The following HPSE2 variants were observed in gnomAD, a reference collection of about 807,000 sequenced individuals.
HPSE2 encodes the protein heparanase 2 (inactive), also known as inactive heparanase-2.
Under a neutral mutation model 60.5 loss-of-function variants are expected in HPSE2, and 38 were observed. The ratio of observed to expected loss-of-function variants is 0.63; its 90% CI spans 0.48 to 0.82. The LOEUF (loss-of-function observed/expected upper bound fraction) is 0.82. Among genes scored for constraint, HPSE2 ranks in the 40% least tolerant of loss-of-function variants. The pLI is 0.00. For synonymous variants in HPSE2, 295 were observed against 293.2 expected (o/e 1.01, Z -0.06); for missense variants, 713 against 740.4 (o/e 0.96, Z 0.43).
chr10:98,494,287 A>G (rs1941757716), intron 9 of HPSE2, among the ~76,000 whole-genome samples: 1 of 152,200 alleles, frequency 6.6e-6, no homozygotes, highest in South Asian at 2.1e-4. Flanking sequence ...TCTGGTTTCC[A>G]TTGGCTGGAA....
intron 3 of HPSE2, among the ~76,000 whole-genome samples, chr10:99,072,025 GTT>G (rs34940128): frequency 0.51 from 73,712 of 145,690 alleles, 20,316 homozygotes; most frequent in East Asian, 0.65. Context: ...AACTTTGTTT[GTT>G]TTTTTTTTTT....
intron 3 of HPSE2, among the ~76,000 whole-genome samples, chr10:98,943,368 G>A (rs1955078616): frequency 6.6e-6 from 1 of 151,764 alleles, no homozygotes; most frequent in Non-Finnish European, 1.5e-5. Flanking sequence ...GATTTTTAGA[G>A]TACATAAATA....
intron 3 of HPSE2, among the ~76,000 whole-genome samples, chr10:98,997,425 C>T (rs1440229542): frequency 6.6e-6 from 1 of 152,052 alleles, no homozygotes; most frequent in African/African-American, 2.4e-5. Context: ...CAAAACAGAC[C>T]TTTCTACTCC....
upstream of HPSE2, among the ~76,000 whole-genome samples, chr10:99,236,683 G>A (rs1849865143): frequency 6.6e-6 from 1 of 152,122 alleles, no homozygotes; most frequent in Non-Finnish European, 1.5e-5. Context: ...CAGCTTTTCC[G>A]ATCCGAGGGC....
Position 99,235,699 on chromosome 10 carries a change from A to T in HPSE2, c.104T>A (p.Leu35His), listed in dbSNP as rs1299980227. 6.2e-7 allele frequency: 1 copy of T among 1,613,850 alleles called. No homozygotes were observed. The highest frequency in any genetic ancestry group is 1.1e-5 in the South Asian group (1 of 91,062). ...GALYLALLLH[L>H]SLSSQAGDRR... Reference sequence around the variant, plus strand: ...GTCTCCAGCCTGGGAGGAAAGGGAGAGATGGAGCAACAGAGCCAAGTAGAG... The same window carrying T: ...GTCTCCAGCCTGGGAGGAAAGGGAGTGATGGAGCAACAGAGCCAAGTAGAG... Residue 35 changes from leucine (L) to histidine (H), a missense_variant, in exon 1 of 12, where the codon CTC becomes CAC. Transcript: ENST00000370552.
the HPSE2 span, among the ~76,000 whole-genome samples, chr10:99,306,328 T>A: frequency 6.6e-6 from 1 of 152,106 alleles, no homozygotes; most frequent in Non-Finnish European, 1.5e-5. Context: ...TAAGACAGCC[T>A]GCATGCTCTC....
intron 3 of HPSE2, among the ~76,000 whole-genome samples, chr10:98,880,730 A>G (rs1952999704): frequency 6.6e-6 from 1 of 152,100 alleles, no homozygotes; most frequent in Admixed American, 6.6e-5. Context: ...CCAGAGGTGA[A>G]CTGAAGATGA....
At chr10:98,537,893 T>C (rs1052905305) in intron 9 of HPSE2, among the ~76,000 whole-genome samples, 11 of 152,244 alleles carry the variant, frequency 7.2e-5, no homozygotes, top group African/African-American at 2.7e-4. Flanking sequence ...CCCATACTCC[T>C]GGTTCCTCTT....
At chr10:98,484,774 A>C (rs1941379330) in intron 10 of HPSE2, among the ~76,000 whole-genome samples, 3 of 152,260 alleles carry the variant, frequency 2.0e-5, no homozygotes, top group South Asian at 2.1e-4. Context: ...TTAAATGAGC[A>C]TAAGATCTTC....
intron 11 of HPSE2, among the ~76,000 whole-genome samples, chr10:98,479,155 T>G (rs898123725): frequency 1.3e-5 from 2 of 152,238 alleles, no homozygotes; most frequent in Admixed American, 6.5e-5. Flanking sequence ...ATCAAAGAAG[T>G]CTTCTGGCCT....
chr10:98,688,014 T>TTCC (rs1490572615), intron 6 of HPSE2, among the ~76,000 whole-genome samples: 1 of 152,156 alleles, frequency 6.6e-6, no homozygotes, highest in Non-Finnish European at 1.5e-5. Flanking sequence ...TTATTTTTTG[T>TTCC]TCCTCTCTTT....
At chr10:98,860,027 T>C (rs1031096366) in intron 3 of HPSE2, among the ~76,000 whole-genome samples, 1 of 152,210 alleles carries the variant, frequency 6.6e-6, no homozygotes, top group Non-Finnish European at 1.5e-5. Flanking sequence ...AACTTTATCA[T>C]AGGTATATAA....
intron 3 of HPSE2, among the ~76,000 whole-genome samples, chr10:98,844,104 A>G (rs1951981249): frequency 1.3e-5 from 2 of 152,162 alleles, no homozygotes; most frequent in Admixed American, 1.3e-4. Context: ...GGCCTTGGGC[A>G]AGTCACTTAC....
chr10:99,195,144 T>A (rs577266255), intron 2 of HPSE2, among the ~76,000 whole-genome samples: 1 of 152,248 alleles, frequency 6.6e-6, no homozygotes, highest in Non-Finnish European at 1.5e-5. Context: ...TCATTTCAAC[T>A]GATGCTAAAA....
At chr10:99,222,045 A>C (rs1268552255) in intron 2 of HPSE2, among the ~76,000 whole-genome samples, 1 of 152,188 alleles carries the variant, frequency 6.6e-6, no homozygotes, top group African/African-American at 2.4e-5. Context: ...GAAAACAGTC[A>C]CAAGGGAAAC....
chr10:98,605,956 C>G (rs1945571699), intron 9 of HPSE2, among the ~76,000 whole-genome samples: 1 of 152,236 alleles, frequency 6.6e-6, no homozygotes, highest in South Asian at 2.1e-4. Flanking sequence ...GTGAAGACCT[C>G]CTTAGCCACA....
At chr10:98,895,383 T>G (rs1341096847) in intron 3 of HPSE2, among the ~76,000 whole-genome samples, 1 of 152,158 alleles carries the variant, frequency 6.6e-6, no homozygotes, top group East Asian at 1.9e-4. Flanking sequence ...TAGAATAAAT[T>G]TTCTTACAGC....
chr10:99,230,429 C>T (rs561980728), intron 2 of HPSE2, among the ~76,000 whole-genome samples: 1 of 152,206 alleles, frequency 6.6e-6, no homozygotes, highest in Non-Finnish European at 1.5e-5. Context: ...TATTTAATGC[C>T]AGGTTGGACA....
At chr10:98,751,487 T>C (rs1018230117) in intron 3 of HPSE2, among the ~76,000 whole-genome samples, 2 of 152,210 alleles carry the variant, frequency 1.3e-5, no homozygotes, top group South Asian at 4.1e-4. Flanking sequence ...ATTTTATTCT[T>C]TTGCAACCTT....
Sources: gnomAD v4.1 joint callset for allele counts (sites outside exome capture counted in the v4.1 genomes callset) on GRCh38, gnomAD v4.1.1 for gene constraint, MANE v1.5 for transcripts, NCBI Gene and HGNC (gene_info 2026-07-23, HGNC 2026-07-21) for gene names.